The following ATAT1 variants were observed in gnomAD, a reference collection of about 807,000 sequenced individuals.
The protein encoded by ATAT1 is alpha tubulin acetyltransferase 1.
Under a neutral mutation model 57.2 loss-of-function variants are expected in ATAT1, and 42 were observed. The ratio of observed to expected loss-of-function variants is 0.73; its 90% confidence interval spans 0.57 to 0.95. The LOEUF is 0.95. ATAT1 is among the 40% of genes least tolerant of loss of function. The pLI is 0.00. For missense variants in ATAT1, 454 were observed against 523.7 expected (o/e 0.87, Z 1.30); for synonymous variants, 168 against 187.1 (o/e 0.90, Z 0.83).
chr6:30,635,839 C>G (rs1358454622), intron 6 of ATAT1, among the ~76,000 whole-genome samples: 4 of 152,094 alleles, frequency 2.6e-5, no homozygotes, highest in Non-Finnish European at 5.9e-5. Flanking sequence ...AGGAACACAG[C>G]AAGAATAAGC....
rs1025718142 is a variant in ATAT1, at chr6:30,644,482, C to A, written c.933-1413C>A. On this transcript the variant is annotated intron_variant, in intron 10 of 12. Coordinates refer to ENST00000330083, the MANE Select transcript of ATAT1 (RefSeq NM_001031722.4). ...CCATGCCCAGAGTATAGCTAGATCC[C>A]TTCCCCTCCCTACCCTCTGAATGTG... 1.3e-5 allele frequency: 13 copies of A among 985,696 alleles called. No homozygotes were observed. The South Asian group carries it at 5.6e-4, about 43-fold the overall frequency. 61.1% of individuals were successfully genotyped at this position (985,696 alleles called of 1,614,324 possible). A position where few individuals can be genotyped will look rare whatever the true frequency, so the allele number is the denominator to read the frequency against.
rs1031850509 is a variant in ATAT1 at position 30,627,087 on chromosome 6, C to T, written c.-117C>T. ...CCCCCTTCTCACTGACTAGTGATCG[C>T]CCCTTTTGATGTCCAGGCCTGCCTT... is the stretch of plus-strand genomic sequence containing the variant. On this transcript the variant is annotated 5_prime_UTR_variant, in exon 1 of 13. Transcript: ENST00000330083. The T allele has an allele frequency of 1.4e-5, 22 of 1,556,716 alleles. No homozygotes were observed. The highest frequency in any genetic ancestry group is 1.7e-5 in the Non-Finnish European group (19 of 1,148,178).
Position 30,644,385 on chromosome 6 carries a change from TGAGATGGG to T in ATAT1, c.932+1376_932+1383del, listed in dbSNP as rs566367308. 345 of 985,716 alleles carry T rather than the reference TGAGATGGG, an allele frequency of 3.5e-4. No homozygotes were observed. The African/African-American group carries it at 5.4e-3, about 16-fold the overall frequency. The allele number at this position is 985,716 out of a possible 1,614,324, so 61.1% of individuals were successfully genotyped here. ...CTCCTGTCTTGTGAGATTGTCGAGA[TGAGATGGG>T]GGACCACTCTTCCTCTGTCCTTCCT... On this transcript the variant is annotated intron_variant, in intron 10 of 12. Transcript: ENST00000330083.
chr6:30,631,963 C>T (rs1002488446), intron 6 of ATAT1, among the ~76,000 whole-genome samples: 14 of 151,902 alleles, frequency 9.2e-5, no homozygotes, highest in Admixed American at 1.3e-4. Flanking sequence ...AGAGGTAATG[C>T]GGAGGAGGGG....
At chr6:30,634,681 A>C (rs1354870339) in intron 6 of ATAT1, among the ~76,000 whole-genome samples, 1 of 150,682 alleles carries the variant, frequency 6.6e-6, no homozygotes, top group Non-Finnish European at 1.5e-5. Context: ...AAAAAAAAAA[A>C]AACCTTGTTT....
At chr6:30,628,460 T>C (rs1344499105) in intron 6 of ATAT1, 30 bp downstream of exon 6, 1 of 1,521,112 alleles carries the variant, frequency 6.6e-7, no homozygotes, top group Admixed American at 1.7e-5. Context: ...AGATCCCCAC[T>C]GAGCATTCCC....
chr6:30,638,236 G>A (rs985931726), intron 6 of ATAT1, among the ~76,000 whole-genome samples: 3 of 151,938 alleles, frequency 2.0e-5, no homozygotes, highest in African/African-American at 7.3e-5. Context: ...ATATTGCCCA[G>A]GCTGGTCTTG....
Position 30,642,833 on chromosome 6 carries a change from G to GGGCCCCCCCCCCCCCCCCCCCCCCCCCC in ATAT1, c.754_755insGGCCCCCCCCCCCCCCCCCCCCCCCCCC (p.Ala252GlyfsTer57). On this transcript the variant is annotated frameshift_variant, in exon 10 of 13. Coordinates refer to ENST00000330083, the MANE Select transcript of ATAT1 (RefSeq NM_001031722.4). LOFTEE classifies it high-confidence loss of function. The stretch of plus-strand genomic sequence containing the variant: ...GGCCCCTCGCCGCGCCACACCTCCA[G>GGGCCCCCCCCCCCCCCCCCCCCCCCCCC]CCCACCCACCCCCCCGCTCCAGCAG... 1 of 1,537,876 alleles carries GGGCCCCCCCCCCCCCCCCCCCCCCCCCC rather than the reference G, an allele frequency of 6.5e-7. No individual in the cohort carries two copies. The highest frequency in any genetic ancestry group is 1.6e-5 in the African/African-American group (1 of 61,252).
intron 10 of ATAT1, chr6:30,643,223 A>G: frequency 7.0e-7 from 1 of 1,423,958 alleles, no homozygotes; most frequent in Non-Finnish European, 9.2e-7. Context: ...GAGCCTAGGG[A>G]CCCTGGCTTT....
intron 6 of ATAT1, among the ~76,000 whole-genome samples, chr6:30,639,625 C>T (rs563401459): frequency 2.4e-4 from 36 of 151,986 alleles, no homozygotes; most frequent in African/African-American, 7.5e-4. Context: ...TACAGGCGCC[C>T]GCCACCACAT....
chr6:30,627,234 A>G lies in ATAT1; in HGVS notation c.31A>G (p.Thr11Ala). 10 of 1,613,858 alleles carry G rather than the reference A, an allele frequency of 6.2e-6. No individual in the cohort carries two copies. The highest frequency in any genetic ancestry group is 8.5e-6 in the Non-Finnish European group (10 of 1,179,864). Reference sequence around the variant, plus strand: ...GTTGACCTGGCCTTTCTGCTTCCTCACAATAACCTTAAGGGAGGAGGGAGT... The same window carrying G: ...GTTGACCTGGCCTTTCTGCTTCCTCGCAATAACCTTAAGGGAGGAGGGAGT... Residue 11 changes from threonine to alanine, a missense_variant, in exon 1 of 13, where the codon ACA becomes GCA. Physicochemically the swap from Thr to Ala is moderately conservative, Grantham distance 58. Transcript: ENST00000330083.
intron 6 of ATAT1, among the ~76,000 whole-genome samples, chr6:30,639,912 T>A (rs1230859372): frequency 6.6e-6 from 1 of 151,780 alleles, no homozygotes; most frequent in Non-Finnish European, 1.5e-5. Context: ...GGCAGAAGGA[T>A]CACATGAGCC....
Position 30,642,834 on chromosome 6 carries a change from C to CA in ATAT1, c.755_756insA (p.His253ProfsTer47). The CA allele has an allele frequency of 5.5e-5, 23 of 415,844 alleles. No individual in the cohort carries two copies. Among genetic ancestry groups the CA allele is most frequent in the South Asian group, 1.8e-4 (8 of 45,022 alleles). The allele number at this position is 415,844 out of a possible 1,614,324, so 25.8% of individuals were successfully genotyped here. A position where few individuals can be genotyped will look rare whatever the true frequency, so the allele number is the denominator to read the frequency against. ...GCCCCTCGCCGCGCCACACCTCCAG[C>CA]CCACCCACCCCCCCGCTCCAGCAGC... On this transcript the variant is annotated frameshift_variant, in exon 10 of 13. Coordinates refer to ENST00000330083, the MANE Select transcript of ATAT1 (RefSeq NM_001031722.4). LOFTEE classifies it high-confidence loss of function.
Position 30,646,473 on chromosome 6 carries a change from G to T in ATAT1, c.1060G>T (p.Ala354Ser). ...CTCCATCTCCCCACCTACCAGGTCT[G>T]CCAGTGAGGAGCAGGCCTTGTCACA... Residue 354 changes from alanine to serine, a missense_variant, in exon 13 of 13, where the codon GCC becomes TCC. This residue lies in a region of ATAT1 where 216 missense variants were observed against 222.2 expected (regional missense o/e 0.97). Coordinates refer to ENST00000330083, the MANE Select transcript of ATAT1 (RefSeq NM_001031722.4). The T allele has an allele frequency of 6.3e-7, 1 of 1,579,594 alleles. No homozygotes were observed. Among genetic ancestry groups the T allele is most frequent in the Non-Finnish European group, 8.6e-7 (1 of 1,161,426 alleles).
At chr6:30,643,671 C>G (rs894966699) in intron 10 of ATAT1, 24 of 1,533,424 alleles carry the variant, frequency 1.6e-5, no homozygotes, top group Non-Finnish European at 2.0e-5. Flanking sequence ...TGGAACCTGA[C>G]AGAGCCCATA....
intron 6 of ATAT1, 77 bp downstream of exon 6, chr6:30,628,507 G>C: frequency 8.2e-7 from 1 of 1,214,714 alleles, no homozygotes; most frequent in Non-Finnish European, 1.2e-6. Flanking sequence ...AAGAAGTAGT[G>C]ACTTATTTCC....
intron 10 of ATAT1, among the ~76,000 whole-genome samples, chr6:30,645,296 A>G (rs922829291): frequency 6.6e-6 from 1 of 151,190 alleles, no homozygotes; most frequent in African/African-American, 2.4e-5. Flanking sequence ...GCTCACTGCA[A>G]CCTCCGCCTC....
chr6:30,643,526 C>T (rs1399551982), intron 10 of ATAT1: 1 of 1,550,880 alleles, frequency 6.4e-7, no homozygotes. Flanking sequence ...CATCCTTCCA[C>T]AGCTCCCTTC....
Position 30,642,878 on chromosome 6 carries a change from C to T in ATAT1, c.799C>T (p.Arg267Ter), listed in dbSNP as rs778311086. 3.3e-6 allele frequency: 5 copies of T among 1,528,840 alleles called. No homozygotes were observed. The highest frequency in any genetic ancestry group is 2.0e-5 in the Admixed American group (1 of 50,618). 94.7% of individuals were successfully genotyped at this position (1,528,840 alleles called of 1,614,324 possible). A position where few individuals can be genotyped will look rare whatever the true frequency, so the allele number is the denominator to read the frequency against. The change falls in exon 10 of 13, where the codon CGA becomes TGA. Residue 267 changes from arginine (R) to a stop codon, truncating the protein, a stop_gained. Transcript: ENST00000330083. LOFTEE classifies it high-confidence loss of function. The stretch of plus-strand genomic sequence containing the variant: ...CAGCAGCCTGGGAAACTCACCAGAA[C>T]GAGGTCCCCTCCGCCCCTTTGTGCC...
Sources: allele counts gnomAD v4.1 joint callset (sites outside exome capture counted in the v4.1 genomes callset), GRCh38; gene constraint gnomAD v4.1.1; regional missense constraint gnomAD v4.1.1; transcripts MANE v1.5; gene names NCBI Gene and HGNC (gene_info 2026-07-23, HGNC 2026-07-21).